Variants in DHRSX observed in about 807,000 individuals in gnomAD.
DHRSX encodes polyprenol dehydrogenase.
A neutral mutation model predicts 34.0 loss-of-function variants in DHRSX; 31 were observed. The ratio of observed to expected loss-of-function variants is 0.91; its 90% CI spans 0.69 to 1.23. The LOEUF is 1.23. Among genes scored for constraint, DHRSX ranks in the 50% most tolerant of loss-of-function variants. The pLI is 0.00. For missense variants in DHRSX, 414 were observed against 428.1 expected, an observed-to-expected ratio of 0.97 and a Z score of 0.29; for synonymous variants, 201 against 183.8, an observed-to-expected ratio of 1.09 and a Z score of -0.76.
intron 5 of DHRSX, among the ~76,000 whole-genome samples, chrX:2,247,617 G>A (rs983105801): frequency 2.2e-5 from 3 of 139,298 alleles, no homozygotes; most frequent in East Asian, 2.1e-4. Context: ...TTGCGCCACT[G>A]CACTCCAGCC....
At chrX:2,444,961 A>G (rs767921334) in intron 1 of DHRSX, among the ~76,000 whole-genome samples, 8 of 152,324 alleles carry the variant, frequency 5.3e-5, no homozygotes, top group African/African-American at 1.9e-4. Flanking sequence ...GTTCGAGACC[A>G]GCCTGGCCAA....
intron 3 of DHRSX, among the ~76,000 whole-genome samples, chrX:2,374,699 A>G (rs2043120326): frequency 7.3e-6 from 1 of 137,220 alleles, no homozygotes; most frequent in Admixed American, 7.3e-5. Flanking sequence ...AGATCACGCC[A>G]TTGCACTCTA....
At chrX:2,386,499 G>C (rs1299458827) in intron 3 of DHRSX, among the ~76,000 whole-genome samples, 1 of 152,166 alleles carries the variant, frequency 6.6e-6, no homozygotes, top group East Asian at 1.9e-4. Context: ...GATTACAGGC[G>C]TGAGCCACTG....
At chrX:2,415,818 T>C (rs1457722241) in intron 2 of DHRSX, among the ~76,000 whole-genome samples, 1 of 151,062 alleles carries the variant, frequency 6.6e-6, no homozygotes, top group Non-Finnish European at 1.5e-5. Flanking sequence ...GATCTCATCA[T>C]GACCAACCCA....
At chrX:2,285,463 T>C in intron 4 of DHRSX, among the ~76,000 whole-genome samples, 1 of 152,194 alleles carries the variant, frequency 6.6e-6, no homozygotes, top group African/African-American at 2.4e-5. Context: ...TGTGCTCCTA[T>C]AAGAATCTAA....
intron 5 of DHRSX, among the ~76,000 whole-genome samples, chrX:2,253,751 G>C (rs2016495955): frequency 6.6e-6 from 1 of 152,192 alleles, no homozygotes; most frequent in South Asian, 2.1e-4. Context: ...AAATCGTGAA[G>C]ACTGAACATA....
chrX:2,450,728 AT>A (rs2044205135), intron 1 of DHRSX, among the ~76,000 whole-genome samples: 1 of 150,766 alleles, frequency 6.6e-6, no homozygotes, highest in Non-Finnish European at 1.5e-5. Flanking sequence ...AATTTATCAA[AT>A]TAAAAAAAAA....
intron 3 of DHRSX, among the ~76,000 whole-genome samples, chrX:2,325,651 C>T (rs758204306): frequency 2.0e-4 from 30 of 152,228 alleles, no homozygotes; most frequent in Admixed American, 2.6e-4. Context: ...AACTACAAAG[C>T]CCATTTGCAT....
intron 5 of DHRSX, among the ~76,000 whole-genome samples, chrX:2,255,906 A>G (rs918915299): frequency 8.5e-4 from 130 of 152,098 alleles, no homozygotes; most frequent in Non-Finnish European, 1.5e-3. Flanking sequence ...TGGGTGACAA[A>G]AGCGAAACTC....
chrX:2,226,976 T>C (rs1293928942), intron 6 of DHRSX, among the ~76,000 whole-genome samples: 1 of 149,908 alleles, frequency 6.7e-6, no homozygotes, highest in Non-Finnish European at 1.5e-5. Context: ...ATAAGAAGGG[T>C]TCGAGTCAGC....
intron 2 of DHRSX, 131 bp downstream of exon 2, chrX:2,425,066 G>C: frequency 1.5e-6 from 1 of 683,180 alleles, no homozygotes; most frequent in Non-Finnish European, 2.6e-6. Flanking sequence ...CTTTAACCCA[G>C]GAGGTGGAGG....
chrX:2,464,015 A>G (rs1429711356), intron 1 of DHRSX, among the ~76,000 whole-genome samples: 2 of 152,198 alleles, frequency 1.3e-5, no homozygotes, highest in Admixed American at 6.5e-5. Context: ...GAATATGGCT[A>G]AGAGACGGCC....
intron 5 of DHRSX, among the ~76,000 whole-genome samples, chrX:2,257,581 CT>C (rs1402475361): frequency 6.6e-6 from 1 of 152,166 alleles, no homozygotes; most frequent in Admixed American, 6.6e-5. Flanking sequence ...AGTTCTAACT[CT>C]GAGGAACTCA....
At chrX:2,454,497 G>C (rs747390188) in intron 1 of DHRSX, among the ~76,000 whole-genome samples, 2 of 149,314 alleles carry the variant, frequency 1.3e-5, no homozygotes, top group East Asian at 1.9e-4. Flanking sequence ...ATTGCACTCC[G>C]GCCTGGGCAA....
At chrX:2,238,854 G>C (rs2016076877) in intron 6 of DHRSX, among the ~76,000 whole-genome samples, 1 of 151,706 alleles carries the variant, frequency 6.6e-6, no homozygotes, top group Non-Finnish European at 1.5e-5. Flanking sequence ...CAAAGTGCTG[G>C]GATTACAGGC....
chrX:2,423,251 A>T (rs1028029507), intron 2 of DHRSX, among the ~76,000 whole-genome samples: 1 of 151,902 alleles, frequency 6.6e-6, no homozygotes, highest in African/African-American at 2.4e-5. Context: ...CATCTCTACT[A>T]AAAATACAAA....
chrX:2,345,002 C>T (rs2042686473), intron 3 of DHRSX, among the ~76,000 whole-genome samples: 1 of 148,614 alleles, frequency 6.7e-6, no homozygotes, highest in South Asian at 2.1e-4. Context: ...GTGACAGAGA[C>T]AGAGGCCACA....
chrX:2,325,607 C>G (rs1357294769), intron 3 of DHRSX, among the ~76,000 whole-genome samples: 5 of 151,786 alleles, frequency 3.3e-5, no homozygotes, highest in Non-Finnish European at 5.9e-5. Flanking sequence ...AAATGTCATG[C>G]TTGATGGAAC....
intron 1 of DHRSX, among the ~76,000 whole-genome samples, chrX:2,442,384 A>C (rs1936215006): frequency 6.6e-6 from 1 of 151,678 alleles, no homozygotes; most frequent in Admixed American, 6.6e-5. Flanking sequence ...GTGTTGTTCA[A>C]AGGTCAACTG....
Sources: allele counts gnomAD v4.1 joint callset (sites outside exome capture counted in the v4.1 genomes callset), GRCh38; gene constraint gnomAD v4.1.1; transcripts MANE v1.5; gene names NCBI Gene and HGNC (gene_info 2026-07-23, HGNC 2026-07-21).